Variants in NLGN4X observed in about 807,000 individuals in gnomAD.
The protein encoded by NLGN4X is neuroligin-4, X-linked.
Under a neutral mutation model 40.3 loss-of-function variants are expected in NLGN4X, and 3 were observed. That is an observed-to-expected ratio of 0.07 (90% CI 0.03 to 0.19). The LOEUF (loss-of-function observed/expected upper bound fraction) is 0.19, where lower values mean the gene tolerates loss of function less well. NLGN4X is among the 10% of genes least tolerant of loss of function. The pLI is 1.00. For missense variants in NLGN4X, 382 were observed against 708.3 expected (o/e 0.54, Z 5.23); for synonymous variants, 270 against 306.8 (o/e 0.88, Z 1.25).
At chrX:6,141,078 TGA>T (rs1020751235) in intron 2 of NLGN4X, among the ~76,000 whole-genome samples, 8 of 111,851 alleles carry the variant, frequency 7.2e-5, no homozygotes, top group Middle Eastern at 4.2e-3. Context: ...ATTTATTTAC[TGA>T]GAGTGGATGT....
chrX:5,891,886 C>T lies in NLGN4X; in HGVS notation c.*931G>A. 1 of 133,883 alleles carries T rather than the reference C, an allele frequency of 7.5e-6. No individual in the cohort carries two copies. Among genetic ancestry groups the T allele is most frequent in the Non-Finnish European group, 1.5e-5 (1 of 67,577 alleles). The allele number at this position is 133,883 out of a possible 1,213,427, so 11.0% of individuals were successfully genotyped here. On this transcript the variant is annotated 3_prime_UTR_variant, in exon 6 of 6. Transcript: ENST00000381095. ...GCAACCTGACGGGGGAAATAGGCCA[C>T]ACAGACCGTCTGGGTCTTCTGTGGG...
chrX:6,021,306 G>T (rs974704027), intron 3 of NLGN4X, among the ~76,000 whole-genome samples: 2 of 109,085 alleles, frequency 1.8e-5, no homozygotes, highest in African/African-American at 6.7e-5. Context: ...TGTTGAGTCA[G>T]CTGAGGACGA....
At chrX:6,130,156 G>A (rs772312814) in intron 2 of NLGN4X, among the ~76,000 whole-genome samples, 84 of 111,751 alleles carry the variant, frequency 7.5e-4, no homozygotes, top group Non-Finnish European at 4.7e-4. Context: ...TCAAAACACT[G>A]GGATTACAGG....
At chrX:6,196,099 T>C (rs1247694170) in intron 1 of NLGN4X, among the ~76,000 whole-genome samples, 6 of 111,817 alleles carry the variant, frequency 5.4e-5, no homozygotes, top group African/African-American at 1.3e-4. Context: ...CCCCAGCCTA[T>C]TATTACTGTA....
intron 3 of NLGN4X, among the ~76,000 whole-genome samples, chrX:5,926,406 T>C (rs951227556): frequency 6.3e-5 from 7 of 111,096 alleles, no homozygotes; most frequent in Non-Finnish European, 1.3e-4. Context: ...ATAGTATTGT[T>C]CTTTCTGCAT....
chrX:6,219,819 C>T (rs558555029), intron 1 of NLGN4X, among the ~76,000 whole-genome samples: 151 of 111,849 alleles, frequency 1.4e-3, no homozygotes, highest in African/African-American at 4.5e-3. Context: ...CCTGGAATGA[C>T]AAAGAAGCAT....
intron 3 of NLGN4X, among the ~76,000 whole-genome samples, chrX:5,969,557 T>C (rs1182080828): frequency 4.5e-5 from 5 of 111,207 alleles, no homozygotes; most frequent in Non-Finnish European, 7.5e-5. Context: ...GAAATAGGAA[T>C]GCTTTTACAC....
intron 2 of NLGN4X, among the ~76,000 whole-genome samples, chrX:6,033,704 GC>G (rs1638359804): frequency 1.7e-5 from 1 of 59,924 alleles, no homozygotes; most frequent in Non-Finnish European, 3.2e-5. Flanking sequence ...TAGGCAAAAT[GC>G]AGGAAGAGGC....
intron 3 of NLGN4X, among the ~76,000 whole-genome samples, chrX:6,005,804 T>G (rs1263283858): frequency 9.0e-6 from 1 of 111,332 alleles, no homozygotes; most frequent in Non-Finnish European, 1.9e-5. Context: ...CAGACTTTTG[T>G]GACAAACCAC....
At chrX:6,215,337 G>C (rs1924978650) in intron 1 of NLGN4X, among the ~76,000 whole-genome samples, 1 of 110,642 alleles carries the variant, frequency 9.0e-6, no homozygotes, top group Admixed American at 9.7e-5. Context: ...GATCACCTGA[G>C]GTCGGGAGTT....
intron 1 of NLGN4X, among the ~76,000 whole-genome samples, chrX:6,173,852 C>T (rs2040661637): frequency 9.0e-6 from 1 of 111,477 alleles, no homozygotes; most frequent in Non-Finnish European, 1.9e-5. Context: ...AGGTCAGGAG[C>T]TCAAAACTAG....
At chrX:6,019,433 C>A (rs5961923) in intron 3 of NLGN4X, among the ~76,000 whole-genome samples, 1 of 110,311 alleles carries the variant, frequency 9.1e-6, no homozygotes, top group Non-Finnish European at 1.9e-5. Context: ...CAGGCATGCA[C>A]TGCATAATAA....
At chrX:5,999,667 C>A (rs1310171910) in intron 3 of NLGN4X, among the ~76,000 whole-genome samples, 1 of 112,247 alleles carries the variant, frequency 8.9e-6, no homozygotes, top group African/African-American at 3.2e-5. Context: ...CAATATTTTT[C>A]TTTTGCATGT....
chrX:6,049,731 G>T (rs1029961374), intron 2 of NLGN4X, among the ~76,000 whole-genome samples: 391 of 4,537 alleles, frequency 0.086, 6 homozygotes, highest in African/African-American at 0.25. Context: ...AAAATAAAAT[G>T]GGGGGGGGGG....
rs183267040 is a variant in NLGN4X at position 6,067,112 on chromosome X, C to G, written c.473-37680G>C. Among the ~76,000 whole-genome samples the G allele has an allele frequency of 5.2e-3, 572 of 109,355 alleles. 5 individuals are homozygous for G. Among genetic ancestry groups the G allele is most frequent in the African/African-American group, 0.018 (548 of 29,858 alleles). 95.0% of individuals were successfully genotyped at this position (109,355 alleles called of 115,157 possible). ...CAACAGAGTGAGATACAGTCCCCCC[C>G]CCAAAACAAAATTAAATAAAACATA... is the stretch of plus-strand genomic sequence containing the variant. On this transcript the variant is annotated intron_variant, in intron 2 of 5. Transcript: ENST00000381095.
At chrX:5,925,881 CATATATATATAT>C (rs55860509) in intron 3 of NLGN4X, among the ~76,000 whole-genome samples, 114 of 19,500 alleles carry the variant, frequency 5.8e-3, no homozygotes, top group South Asian at 0.01. Flanking sequence ...TACATACACA[CATATATATATAT>C]ATATATATAT....
intron 2 of NLGN4X, among the ~76,000 whole-genome samples, chrX:6,051,759 T>C (rs1176277944): frequency 9.0e-6 from 1 of 110,529 alleles, no homozygotes; most frequent in African/African-American, 3.3e-5. Flanking sequence ...CCTAGGAAGT[T>C]TATACATTAG....
chrX:6,195,481 T>C (rs1922958551), intron 1 of NLGN4X, among the ~76,000 whole-genome samples: 2 of 111,987 alleles, frequency 1.8e-5, no homozygotes, highest in African/African-American at 3.2e-5. Context: ...GTGACAAAAA[T>C]TACCAGTGGA....
chrX:6,035,594 T>C (rs1049060860), intron 2 of NLGN4X, among the ~76,000 whole-genome samples: 7 of 111,883 alleles, frequency 6.3e-5, no homozygotes, highest in African/African-American at 9.7e-5. Context: ...TTTGGCACCA[T>C]TGTTAAAAAT....
Sources: allele counts gnomAD v4.1 joint callset (sites outside exome capture counted in the v4.1 genomes callset), GRCh38; gene constraint gnomAD v4.1.1; transcripts MANE v1.5; gene names NCBI Gene and HGNC (gene_info 2026-07-23, HGNC 2026-07-21).